Variants in GALNS observed in about 807,000 individuals in gnomAD.
GALNS encodes the protein N-acetylgalactosamine-6-sulfatase.
GALNS carries 65 observed loss-of-function variants against 65.9 expected under a neutral mutation model. The ratio of observed to expected loss-of-function variants is 0.99; its 90% CI spans 0.81 to 1.21. The LOEUF is 1.21. Among genes scored for constraint, GALNS ranks in the 50% most tolerant of loss-of-function variants. The pLI is 0.00. For missense variants in GALNS, 776 were observed against 700.7 expected, an observed-to-expected ratio of 1.11 and a Z score of -1.21; for synonymous variants, 346 against 288.9, an observed-to-expected ratio of 1.20 and a Z score of -2.00.
At chr16:88,835,120 C>T in intron 8 of GALNS, 93 bp downstream of exon 8, 1 of 1,497,286 alleles carries the variant, frequency 6.7e-7, no homozygotes, top group Non-Finnish European at 9.1e-7. Flanking sequence ...CATGCTCTGC[C>T]CACCACAGAC....
chr16:88,840,612 T>G, intron 4 of GALNS: 1 of 360,704 alleles, frequency 2.8e-6, no homozygotes, highest in Non-Finnish European at 5.4e-6. Context: ...GCCCCTAGGG[T>G]GGACAGGCAG....
At chr16:88,836,164 G>A in intron 6 of GALNS, 37 bp downstream of exon 6, 1 of 1,589,902 alleles carries the variant, frequency 6.3e-7, no homozygotes, top group South Asian at 1.1e-5. Flanking sequence ...CCGTCCCCAT[G>A]CGTCCCACAG....
At chr16:88,840,108 C>T (rs1015436326) in intron 4 of GALNS, among the ~76,000 whole-genome samples, 1 of 152,214 alleles carries the variant, frequency 6.6e-6, no homozygotes, top group Non-Finnish European at 1.5e-5. Flanking sequence ...CTGCCCTGTG[C>T]TTTCTGAGAG....
Position 88,814,897 on chromosome 16 carries a change from C to A in GALNS, c.1483-372G>T, listed in dbSNP as rs151095535. The A allele has an allele frequency of 3.7e-4, 149 of 401,000 alleles. 1 individual carries two copies. Among genetic ancestry groups the A allele is most frequent in the Admixed American group, 1.3e-3 (20 of 15,552 alleles). 24.8% of individuals were successfully genotyped at this position (401,000 alleles called of 1,614,324 possible). ...TACAGGTGTGAGCCACCACGCCCAACCATTTTTGTATTTTTGGTAGAGACA... is the reference window on the plus strand; with the variant it reads ...TACAGGTGTGAGCCACCACGCCCAAACATTTTTGTATTTTTGGTAGAGACA... On this transcript the variant is annotated intron_variant, in intron 13 of 13. Coordinates refer to ENST00000268695, the MANE Select transcript of GALNS (RefSeq NM_000512.5).
chr16:88,818,362 GC>G (rs1270825009), intron 12 of GALNS, among the ~76,000 whole-genome samples: 1 of 152,208 alleles, frequency 6.6e-6, no homozygotes, highest in Non-Finnish European at 1.5e-5. Flanking sequence ...GGCTCAGCAG[GC>G]CAAGCCCTGG....
rs571377931 is a variant in GALNS at position 88,825,055 on chromosome 16, C to T, written c.1140-186G>A. ...GCTGGGGCTGGGGTGCCTGGGCGGC[C>T]GGGGCTGGAGCTCCTGGGTGGCCAG... On this transcript the variant is annotated intron_variant, in intron 10 of 13. Coordinates refer to ENST00000268695, the MANE Select transcript of GALNS (RefSeq NM_000512.5). 8.5e-3 allele frequency among the ~76,000 whole-genome samples: 1,220 copies of T among 142,930 alleles called. 35 individuals carry two copies. The highest frequency in any genetic ancestry group is 0.031 in the African/African-American group (1,156 of 36,808). 93.8% of individuals were successfully genotyped at this position (142,930 alleles called of 152,430 possible). A position where few individuals can be genotyped will look rare whatever the true frequency, so the allele number is the denominator to read the frequency against.
chr16:88,823,455 G>A (rs1333646674), intron 11 of GALNS, among the ~76,000 whole-genome samples: 9 of 152,272 alleles, frequency 5.9e-5, no homozygotes, highest in Admixed American at 5.9e-4. Flanking sequence ...GGGCTCGTCC[G>A]AGGACTGTGC....
rs187492936 is a variant in GALNS, at chr16:88,821,593, G to A, written c.1364+996C>T. Among the ~76,000 whole-genome samples the A allele has an allele frequency of 3.4e-3, 513 of 152,304 alleles. 2 individuals are homozygous for A. The highest frequency in any genetic ancestry group is 5.5e-3 in the Non-Finnish European group (373 of 68,000). On this transcript the variant is annotated intron_variant, in intron 12 of 13. Coordinates refer to ENST00000268695, the MANE Select transcript of GALNS (RefSeq NM_000512.5). ...ATCCCTGAGGGGCTGCAGCCCAGGA[G>A]CCTCACCGCAGGCTCAGCCCCGTGG...
At chr16:88,817,464 A>G (rs895710979) in intron 13 of GALNS, 5 of 985,276 alleles carry the variant, frequency 5.1e-6, no homozygotes, top group Non-Finnish European at 4.8e-6. Context: ...GGGCTGGCCC[A>G]GCATGAAGGA....
rs969363524 is a variant in GALNS, at chr16:88,814,106, C to T, written c.*333G>A. ...TTGTCAGGACCTCCTGAGGCTGTCA[C>T]AGGTGCATCCTTAACCTTGGCAAAA... On this transcript the variant is annotated 3_prime_UTR_variant, in exon 14 of 14. Coordinates refer to ENST00000268695, the MANE Select transcript of GALNS (RefSeq NM_000512.5). 17 of 427,356 alleles carry T rather than the reference C, an allele frequency of 4.0e-5. No individual in the cohort carries two copies. In the East Asian group the frequency reaches 4.4e-4, roughly 11 times the overall value. 26.5% of individuals were successfully genotyped at this position (427,356 alleles called of 1,614,324 possible). A position where few individuals can be genotyped will look rare whatever the true frequency, so the allele number is the denominator to read the frequency against.
chr16:88,851,763 C>T (rs1967519288), intron 1 of GALNS, among the ~76,000 whole-genome samples: 1 of 152,158 alleles, frequency 6.6e-6, no homozygotes, highest in South Asian at 2.1e-4. Context: ...ACTGCTAGCA[C>T]AGCAGTCTGA....
intron 4 of GALNS, 137 bp downstream of exon 4, chr16:88,840,855 G>A (rs113652922): frequency 3.1e-5 from 23 of 745,318 alleles, no homozygotes; most frequent in South Asian, 3.0e-4. Context: ...GGAGACACCT[G>A]AACACACCCA....
intron 12 of GALNS, among the ~76,000 whole-genome samples, chr16:88,820,817 G>C (rs537784729): frequency 1.3e-5 from 2 of 151,988 alleles, no homozygotes; most frequent in Non-Finnish European, 2.9e-5. Context: ...CTTTAACCTC[G>C]GGTGGTCCCT....
chr16:88,856,322 G>A (rs1361817908), intron 1 of GALNS: 5 of 702,696 alleles, frequency 7.1e-6, no homozygotes, highest in East Asian at 2.7e-5. Flanking sequence ...GCAGCTCTCA[G>A]GCAGGGCGGC....
intron 9 of GALNS, among the ~76,000 whole-genome samples, chr16:88,828,848 C>T (rs765542156): frequency 2.0e-4 from 31 of 152,198 alleles, no homozygotes; most frequent in Non-Finnish European, 4.3e-4. Context: ...AGCACAGCCA[C>T]GGGTGGCTCC....
chr16:88,814,136 CTG>C lies in GALNS; in HGVS notation c.*301_*302del, dbSNP rs1909386169. ...GCATCCTTAACCTTGGCAAAATAAA[CTG>C]AGACTGGTCTCAGATATTTGGGGTT... is the stretch of plus-strand genomic sequence containing the variant. On this transcript the variant is annotated 3_prime_UTR_variant, in exon 14 of 14. Coordinates refer to ENST00000268695, the MANE Select transcript of GALNS (RefSeq NM_000512.5). The C allele has an allele frequency of 4.1e-6, 2 of 492,766 alleles. No homozygotes were observed. Among genetic ancestry groups the C allele is most frequent in the South Asian group, 4.2e-5 (2 of 48,186 alleles). 30.5% of individuals were successfully genotyped at this position (492,766 alleles called of 1,614,324 possible).
Position 88,827,510 on chromosome 16 carries a change from G to A in GALNS, c.1003-672C>T, listed in dbSNP as rs143547403. Among the ~76,000 whole-genome samples, 603 of 152,270 alleles carry A rather than the reference G, an allele frequency of 4.0e-3. 4 individuals carry two copies. The highest frequency in any genetic ancestry group is 6.1e-3 in the Non-Finnish European group (414 of 68,020). On this transcript the variant is annotated intron_variant, in intron 9 of 13. Transcript: ENST00000268695. Reference sequence around the variant, plus strand: ...CACCCAGGCTGGAGTGCAGTGGTGCGATCTCAGCTCACCACAACCTCTGCC... The same window carrying A: ...CACCCAGGCTGGAGTGCAGTGGTGCAATCTCAGCTCACCACAACCTCTGCC...
chr16:88,815,715 A>G, intron 13 of GALNS: 3 of 985,466 alleles, frequency 3.0e-6, no homozygotes, highest in Non-Finnish European at 3.6e-6. Flanking sequence ...TACTAAGGAC[A>G]GTCTCCAGCC....
intron 8 of GALNS, among the ~76,000 whole-genome samples, chr16:88,834,936 G>A (rs1432901092): frequency 6.6e-6 from 1 of 152,178 alleles, no homozygotes; most frequent in East Asian, 1.9e-4. Flanking sequence ...CGGCCTCCGG[G>A]GTCACCCTTC....
Sources: allele counts gnomAD v4.1 joint callset (sites outside exome capture counted in the v4.1 genomes callset), GRCh38; gene constraint gnomAD v4.1.1; transcripts MANE v1.5; gene names NCBI Gene and HGNC (gene_info 2026-07-23, HGNC 2026-07-21).